CYP2C19: variants seen among roughly 807,000 people sequenced by gnomAD.
The protein encoded by CYP2C19 is cytochrome P450 family 2 subfamily C member 19.
Under a neutral mutation model 40.9 loss-of-function variants are expected in CYP2C19, and 59 were observed. The ratio of observed to expected loss-of-function variants is 1.44; its 90% CI spans 1.17 to 1.79. CYP2C19 has a LOEUF of 1.79. CYP2C19 is among the 40% of genes most tolerant of loss of function. The pLI is 0.00. For synonymous variants in CYP2C19, 253 were observed against 208.7 expected, an observed-to-expected ratio of 1.21 and a Z score of -1.83; for missense variants, 754 against 596.9, an observed-to-expected ratio of 1.26 and a Z score of -2.74.
chr10:94,808,419 C>T (rs774800851), intron 5 of CYP2C19, among the ~76,000 whole-genome samples: 2 of 152,052 alleles, frequency 1.3e-5, no homozygotes, highest in Admixed American at 6.6e-5. Context: ...AGCATTTATC[C>T]TTTATGTTAC....
chr10:94,842,794 C>T (rs781027145), intron 6 of CYP2C19, 43 bp from the exon 7 acceptor site: 1 of 1,599,986 alleles, frequency 6.3e-7, no homozygotes, highest in Non-Finnish European at 8.6e-7. Context: ...ACAAATGTTC[C>T]ATTTCTCTCC....
At chr10:94,837,526 G>A (rs1849423529) in intron 6 of CYP2C19, among the ~76,000 whole-genome samples, 1 of 152,132 alleles carries the variant, frequency 6.6e-6, no homozygotes. Context: ...CCCTAACAGG[G>A]GAGTGGGGCT....
intron 3 of CYP2C19, chr10:94,776,308 C>A (rs947870811): frequency 1.3e-5 from 2 of 151,846 alleles, no homozygotes; most frequent in Non-Finnish European, 2.9e-5. Context: ...TATAATTTGG[C>A]TCTGTTTCAT....
intron 5 of CYP2C19, among the ~76,000 whole-genome samples, chr10:94,797,719 G>A (rs1049244395): frequency 6.6e-6 from 1 of 152,038 alleles, no homozygotes; most frequent in African/African-American, 2.4e-5. Context: ...TTAGTCTTGG[G>A]AGGGTGTATT....
intron 5 of CYP2C19, among the ~76,000 whole-genome samples, chr10:94,807,766 G>A (rs115101514): frequency 0.013 from 1,995 of 152,064 alleles, 40 homozygotes; most frequent in African/African-American, 0.044. Context: ...AATTGTTTGA[G>A]TTACTTGTAT....
At chr10:94,792,298 T>C (rs1004799570) in intron 5 of CYP2C19, among the ~76,000 whole-genome samples, 5 of 152,130 alleles carry the variant, frequency 3.3e-5, no homozygotes. Context: ...CACTGATGGG[T>C]CTTGACTCTA....
At chr10:94,768,795 C>G (rs1010245000) in intron 1 of CYP2C19, among the ~76,000 whole-genome samples, 1 of 152,056 alleles carries the variant, frequency 6.6e-6, no homozygotes, top group Non-Finnish European at 1.5e-5. Context: ...AAGAGGTATC[C>G]CTGCTCTCTC....
chr10:94,794,073 C>T (rs1848648239), intron 5 of CYP2C19, among the ~76,000 whole-genome samples: 1 of 152,156 alleles, frequency 6.6e-6, no homozygotes, highest in African/African-American at 2.4e-5. Context: ...ACGCCCATCC[C>T]CCAGCCTTGC....
chr10:94,794,155 G>C (rs966229325), intron 5 of CYP2C19, among the ~76,000 whole-genome samples: 1 of 152,172 alleles, frequency 6.6e-6, no homozygotes, highest in African/African-American at 2.4e-5. Flanking sequence ...GGGACCCTCT[G>C]AGCCACGCAT....
rs910911549 is a variant in CYP2C19, at chr10:94,838,618, C to T, written c.962-4219C>T. ...GGCACTCTTTGGTTCATTATTTACC[C>T]CTTTATCTATCTCTTTTTGGACGGT... is the stretch of plus-strand genomic sequence containing the variant. On this transcript the variant is annotated intron_variant, in intron 6 of 8. Transcript: ENST00000371321. Among the ~76,000 whole-genome samples the T allele has an allele frequency of 7.9e-5, 12 of 152,132 alleles. 1 individual carries two copies. Among genetic ancestry groups the T allele is most frequent in the Admixed American group, 6.6e-4 (10 of 15,264 alleles).
chr10:94,843,139 G>A (rs951501853), intron 7 of CYP2C19, 115 bp downstream of exon 7: 2 of 1,314,348 alleles, frequency 1.5e-6, no homozygotes, highest in African/African-American at 2.9e-5. Context: ...CCTATGTATG[G>A]CAGTTTAATT....
chr10:94,781,568 A>T (rs559538785), intron 4 of CYP2C19, among the ~76,000 whole-genome samples: 1 of 152,250 alleles, frequency 6.6e-6, no homozygotes, highest in East Asian at 1.9e-4. Flanking sequence ...TAATATAAAG[A>T]TGCTTTTATA....
intron 5 of CYP2C19, among the ~76,000 whole-genome samples, chr10:94,795,464 A>G (rs1258640143): frequency 3.3e-5 from 5 of 152,200 alleles, no homozygotes; most frequent in Admixed American, 3.3e-4. Flanking sequence ...CAATAAATGT[A>G]CATGTGCATG....
At chr10:94,769,440 A>G (rs1848296831) in intron 1 of CYP2C19, among the ~76,000 whole-genome samples, 1 of 152,174 alleles carries the variant, frequency 6.6e-6, no homozygotes, top group Admixed American at 6.5e-5. Flanking sequence ...GTGCAGGGGA[A>G]TACAGAAGAA....
chr10:94,780,021 A>C (rs1470869623), intron 3 of CYP2C19, among the ~76,000 whole-genome samples: 1 of 152,106 alleles, frequency 6.6e-6, no homozygotes, highest in Non-Finnish European at 1.5e-5. Context: ...ATTTTCTCAA[A>C]TACATGAATT....
intron 5 of CYP2C19, among the ~76,000 whole-genome samples, chr10:94,792,302 G>T (rs1208710233): frequency 6.6e-6 from 1 of 152,096 alleles, no homozygotes; most frequent in Non-Finnish European, 1.5e-5. Flanking sequence ...GATGGGTCTT[G>T]ACTCTATCCT....
At chr10:94,837,148 A>G (rs1181306657) in intron 6 of CYP2C19, among the ~76,000 whole-genome samples, 1 of 152,184 alleles carries the variant, frequency 6.6e-6, no homozygotes, top group Non-Finnish European at 1.5e-5. Flanking sequence ...ATAGAGGGAC[A>G]ACAGCCTCAC....
chr10:94,820,977 G>T (rs568452111), intron 6 of CYP2C19, among the ~76,000 whole-genome samples: 1 of 152,198 alleles, frequency 6.6e-6, no homozygotes, highest in South Asian at 2.1e-4. Context: ...CCAGCTACTT[G>T]GGGGCTGAGG....
In CYP2C19 at chr10:94,805,341, G is replaced by A. The variant is rs116731332; in HGVS notation, c.820-15155G>A. ...TTCTCTTTTATTCTAATATGGTGTA[G>A]TGCACTGGTTGACTTTCTTGTTGAA... On this transcript the variant is annotated intron_variant, in intron 5 of 8. Transcript: ENST00000371321. Among the ~76,000 whole-genome samples the A allele has an allele frequency of 3.1e-3, 475 of 152,234 alleles. 3 individuals are homozygous for A. Among genetic ancestry groups the A allele is most frequent in the African/African-American group, 0.011 (452 of 41,548 alleles).
Sources: gnomAD v4.1 joint callset for allele counts (sites outside exome capture counted in the v4.1 genomes callset) on GRCh38, gnomAD v4.1.1 for gene constraint, MANE v1.5 for transcripts, NCBI Gene and HGNC (gene_info 2026-07-23, HGNC 2026-07-21) for gene names.